Variants in EFCAB8 observed in about 807,000 individuals in gnomAD.
EFCAB8 encodes EF-hand calcium binding domain 8, also known as EF-hand calcium-binding domain-containing protein 8.
A neutral mutation model predicts 116.3 loss-of-function variants in EFCAB8; 100 were observed. That is an observed-to-expected ratio of 0.86 (90% CI 0.73 to 1.02). The LOEUF (loss-of-function observed/expected upper bound fraction) is 1.02, where lower values mean the gene tolerates loss of function less well. Among genes scored for constraint, EFCAB8 ranks in the 50% least tolerant of loss-of-function variants. The pLI, the probability that EFCAB8 is intolerant of heterozygous loss-of-function variation, is 0.00. For synonymous variants in EFCAB8, 558 were observed against 567.9 expected (o/e 0.98, Z 0.25); for missense variants, 1,320 against 1,416.9 (o/e 0.93, Z 1.10).
At chr20:32,960,194 T>A in intron 26 of EFCAB8, 33 bp downstream of exon 26, 1 of 1,544,606 alleles carries the variant, frequency 6.5e-7, no homozygotes, top group Non-Finnish European at 8.8e-7. Context: ...CCCAAGAGGC[T>A]GGGTCAGGGG....
At chr20:32,880,392 C>A (rs1985267651) in intron 5 of EFCAB8, among the ~76,000 whole-genome samples, 1 of 152,062 alleles carries the variant, frequency 6.6e-6, no homozygotes, top group Non-Finnish European at 1.5e-5. Flanking sequence ...CCTCAGCGTC[C>A]CAAGTAGCTG....
At chr20:32,872,468 AGT>A (rs1984729563) in intron 3 of EFCAB8, among the ~76,000 whole-genome samples, 1 of 152,038 alleles carries the variant, frequency 6.6e-6, no homozygotes, top group Non-Finnish European at 1.5e-5. Flanking sequence ...CTCAGGCTGG[AGT>A]GGGAGATAGA....
intron 11 of EFCAB8, among the ~76,000 whole-genome samples, chr20:32,901,629 C>T (rs768199984): frequency 1.4e-4 from 22 of 152,258 alleles, no homozygotes; most frequent in Non-Finnish European, 2.9e-4. Context: ...CGTGCTCCTG[C>T]GCCAGGGCCT....
At chr20:32,942,572 A>T (rs776273442) in intron 22 of EFCAB8, among the ~76,000 whole-genome samples, 1 of 151,960 alleles carries the variant, frequency 6.6e-6, no homozygotes, top group Admixed American at 6.6e-5. Flanking sequence ...ATTGTCTATC[A>T]TATGGATTAC....
intron 16 of EFCAB8, among the ~76,000 whole-genome samples, chr20:32,912,388 C>T (rs538085177): frequency 2.3e-4 from 34 of 150,800 alleles, no homozygotes; most frequent in Non-Finnish European, 4.1e-4. Flanking sequence ...GCCGAGATCC[C>T]GCCATCGCAC....
At chr20:32,957,954 G>T (rs1989024526) in intron 23 of EFCAB8, among the ~76,000 whole-genome samples, 1 of 151,922 alleles carries the variant, frequency 6.6e-6, no homozygotes, top group Non-Finnish European at 1.5e-5. Flanking sequence ...TGCAGCAGGA[G>T]AATGGCCTAC....
intron 4 of EFCAB8, 63 bp downstream of exon 4, chr20:32,876,107 C>A: frequency 7.2e-7 from 1 of 1,391,030 alleles, no homozygotes; most frequent in Non-Finnish European, 1.0e-6. Flanking sequence ...AGTCCTTGAC[C>A]AGTTGGTGGG....
intron 6 of EFCAB8, 127 bp from the exon 7 acceptor site, chr20:32,889,174 G>C: frequency 1.4e-6 from 1 of 709,482 alleles, no homozygotes; most frequent in Non-Finnish European, 2.4e-6. Flanking sequence ...TAGACTTAGT[G>C]GTAGTGCTAG....
intron 15 of EFCAB8, 129 bp from the exon 16 acceptor site, chr20:32,911,351 T>C (rs1371052729): frequency 1.3e-6 from 1 of 761,042 alleles, no homozygotes; most frequent in Non-Finnish European, 2.0e-6. Context: ...TGGCTTATGC[T>C]GTAGCAGGGG....
intron 22 of EFCAB8, among the ~76,000 whole-genome samples, chr20:32,932,250 G>T (rs1404076090): frequency 2.0e-5 from 3 of 152,010 alleles, no homozygotes; most frequent in African/African-American, 7.2e-5. Flanking sequence ...GGCGGTGCAC[G>T]CCTGTAATCC....
intron 11 of EFCAB8, among the ~76,000 whole-genome samples, chr20:32,904,894 T>C (rs1028770465): frequency 2.0e-5 from 3 of 152,216 alleles, no homozygotes; most frequent in Non-Finnish European, 4.4e-5. Flanking sequence ...CCCAAAGTGC[T>C]GGGATTACAG....
intron 20 of EFCAB8, among the ~76,000 whole-genome samples, chr20:32,923,936 C>G (rs150015245): frequency 6.6e-6 from 1 of 152,274 alleles, no homozygotes; most frequent in African/African-American, 2.4e-5. Context: ...ATATAAAACT[C>G]TAGGATTAGA....
intron 2 of EFCAB8, among the ~76,000 whole-genome samples, chr20:32,864,493 G>T (rs574296103): frequency 2.0e-5 from 3 of 152,108 alleles, no homozygotes; most frequent in Non-Finnish European, 4.4e-5. Flanking sequence ...GAGGTGGGGG[G>T]ATTGCTTGAG....
In EFCAB8 at chr20:32,948,353, T is replaced by C. The variant is rs934371213; in HGVS notation, c.2959+4549T>C. Reference sequence around the variant, plus strand: ...TAGTTTAAAACTCTCCTTACAAAGATACCTCCAGGCCTAAATGGCTTCCAT... The same window carrying C: ...TAGTTTAAAACTCTCCTTACAAAGACACCTCCAGGCCTAAATGGCTTCCAT... On this transcript the variant is annotated intron_variant, in intron 23 of 26. Transcript: ENST00000400522. Among the ~76,000 whole-genome samples the C allele has an allele frequency of 1.5e-4, 23 of 152,228 alleles. 1 individual carries two copies. The highest frequency in any genetic ancestry group is 2.8e-4 in the Non-Finnish European group (19 of 68,016).
chr20:32,887,090 G>A (rs1359488113), intron 6 of EFCAB8, among the ~76,000 whole-genome samples: 3 of 152,146 alleles, frequency 2.0e-5, no homozygotes, highest in East Asian at 1.9e-4. Flanking sequence ...GCCCGAGAGC[G>A]CAGTCCTCTG....
rs567517689 is a variant in EFCAB8, at chr20:32,960,091, A to C, written c.3323A>C (p.Lys1108Thr). 1.3e-6 allele frequency: 2 copies of C among 1,551,708 alleles called. No individual in the cohort carries two copies. Among genetic ancestry groups the C allele is most frequent in the East Asian group, 2.4e-5 (1 of 40,918 alleles). ...QVSKVLGAAY[K>T]PKERLQNTRF... is the part of the protein sequence containing the mutation. ...AGCAAAGTCTTGGGAGCGGCGTATA[A>C]GCCCAAGGAACGCTTGCAGAATACC... Residue 1108 changes from lysine to threonine, a missense_variant, in exon 26 of 27, where the codon AAG (lysine) becomes ACG (threonine). Coordinates refer to ENST00000400522, the MANE Select transcript of EFCAB8 (RefSeq NM_001143967.2).
intron 2 of EFCAB8, among the ~76,000 whole-genome samples, chr20:32,867,016 C>T (rs563981552): frequency 9.2e-5 from 14 of 152,078 alleles, no homozygotes; most frequent in East Asian, 1.9e-4. Flanking sequence ...CTCCTGGGTT[C>T]GAGTGATTCT....
intron 3 of EFCAB8, among the ~76,000 whole-genome samples, chr20:32,869,216 A>G (rs928751992): frequency 2.0e-5 from 3 of 151,006 alleles, no homozygotes; most frequent in Admixed American, 6.6e-5. Flanking sequence ...AGGGAGAAAA[A>G]CTCCAGCAAG....
intron 11 of EFCAB8, among the ~76,000 whole-genome samples, chr20:32,899,372 T>C (rs1986319747): frequency 7.3e-6 from 1 of 136,252 alleles, no homozygotes; most frequent in Admixed American, 8.1e-5. Flanking sequence ...GCCACTGCAC[T>C]CCAGCCTGGG....
Sources: allele counts gnomAD v4.1 joint callset (sites outside exome capture counted in the v4.1 genomes callset), GRCh38; gene constraint gnomAD v4.1.1; transcripts MANE v1.5; gene names NCBI Gene and HGNC (gene_info 2026-07-23, HGNC 2026-07-21).